The following CC2D1A variants were observed in gnomAD, a reference collection of about 807,000 sequenced individuals.
CC2D1A encodes coiled-coil and C2 domain containing 1A.
In CC2D1A, 68 loss-of-function variants were observed where a neutral mutation model predicts 123.8. That is an observed-to-expected ratio of 0.55 (90% CI 0.45 to 0.67). The LOEUF (loss-of-function observed/expected upper bound fraction) is 0.67, where lower values mean the gene tolerates loss of function less well. Among genes scored for constraint, CC2D1A ranks in the 30% least tolerant of loss-of-function variants. CC2D1A has a pLI of 0.00. For missense variants in CC2D1A, 1,185 were observed against 1,290.3 expected (o/e 0.92, Z 1.25); for synonymous variants, 477 against 528.0 (o/e 0.90, Z 1.32).
chr19:13,930,416 C>T lies in CC2D1A; in HGVS notation c.*21C>T, dbSNP rs759787037. ...GGTGAGGAGCCCATGGGGCGGGCAG[C>T]CCCCAGAAAGCGGGCAGCAGGCCCC... On this transcript the variant is annotated 3_prime_UTR_variant, in exon 29 of 29. Transcript: ENST00000318003. The surrounding 1 kb of genome is among the most constrained non-coding windows in gnomAD (Gnocchi z 6.8). The T allele has an allele frequency of 4.4e-6, 7 of 1,594,526 alleles. No individual in the cohort carries two copies. The Admixed American group carries it at 5.3e-5, about 12-fold the overall frequency.
intron 2 of CC2D1A, among the ~76,000 whole-genome samples, chr19:13,910,974 C>A (rs1483105315): frequency 6.6e-6 from 1 of 151,444 alleles, no homozygotes; most frequent in Non-Finnish European, 1.5e-5. Context: ...GCTGTGAATT[C>A]AAAGTTAATG....
At chr19:13,910,709 G>A (rs1053917402) in intron 2 of CC2D1A, among the ~76,000 whole-genome samples, 25 of 152,180 alleles carry the variant, frequency 1.6e-4, no homozygotes, top group Non-Finnish European at 2.5e-4. Flanking sequence ...CCAGGAGTTC[G>A]AGACCAGCCT....
Position 13,919,687 on chromosome 19 carries a change from A to T in CC2D1A, c.1223-131A>T, listed in dbSNP as rs1157165057. 6 of 987,532 alleles carry T rather than the reference A, an allele frequency of 6.1e-6. No homozygotes were observed. In the African/African-American group the frequency reaches 8.7e-5, roughly 14 times the overall value. 61.2% of individuals were successfully genotyped at this position (987,532 alleles called of 1,614,324 possible). On this transcript the variant is annotated intron_variant, in intron 11 of 28. Transcript: ENST00000318003. ...AGCGAGATCCTGTCTCAAAAAAAAA[A>T]AAATTAATTAATTAAAAAAAGTAAA...
At position 13,930,461 on chromosome 19, in the gene CC2D1A, A is replaced by G. The variant is rs1307244278; in HGVS notation, c.*66A>G. ...GGCCCCGATACCGGGAAGAGCCGAC[A>G]CAGCCACGAACCAGACAAGCAGACA... is the stretch of plus-strand genomic sequence containing the variant. On this transcript the variant is annotated 3_prime_UTR_variant, in exon 29 of 29. Transcript: ENST00000318003. This position sits in a 1 kb window ranked among gnomAD's most constrained non-coding sequence, Gnocchi z 6.8. 2 of 1,487,104 alleles carry G rather than the reference A, an allele frequency of 1.3e-6. No individual in the cohort carries two copies. Among genetic ancestry groups the G allele is most frequent in the African/African-American group, 1.4e-5 (1 of 71,522 alleles). 92.1% of individuals were successfully genotyped at this position (1,487,104 alleles called of 1,614,324 possible).
At position 13,920,644 on chromosome 19, in the gene CC2D1A, C is replaced by A. The variant is rs1474132013; in HGVS notation, c.1444C>A (p.Pro482Thr). Reference protein sequence around the residue: ...QSGSAPTAKAPPKATSTRAQQ... With the variant: ...QSGSAPTAKATPKATSTRAQQ... ...GGGATCAGCCCCAACAGCCAAAGCG[C>A]CCCCCAAAGCCACATCCACCAGAGG... The change falls in exon 13 of 29, where the codon CCC becomes ACC. Residue 482 changes from proline to threonine, a missense_variant. Transcript: ENST00000318003. 1 of 1,609,598 alleles carries A rather than the reference C, an allele frequency of 6.2e-7. No individual in the cohort carries two copies. Among genetic ancestry groups the A allele is most frequent in the Non-Finnish European group, 8.5e-7 (1 of 1,177,794 alleles).
intron 17 of CC2D1A, among the ~76,000 whole-genome samples, chr19:13,924,713 C>T (rs1295721885): frequency 1.3e-5 from 2 of 152,164 alleles, no homozygotes. Flanking sequence ...CCTGCCTTGG[C>T]CTCCCAAAAT....
In CC2D1A at chr19:13,906,405, G is replaced by T. The variant is rs899681020; in HGVS notation, c.-37G>T. On this transcript the variant is annotated 5_prime_UTR_variant, in exon 1 of 29. Coordinates refer to ENST00000318003, the MANE Select transcript of CC2D1A (RefSeq NM_017721.5). This position sits in a 1 kb window ranked among gnomAD's most constrained non-coding sequence, Gnocchi z 4.1. ...GGGGAAGGAGGCAGGGCAAGGCCGG[G>T]CTTGGGGGCAGGTGGTCCGGGCATC... 5.3e-6 allele frequency: 8 copies of T among 1,497,820 alleles called. No homozygotes were observed. In the African/African-American group the frequency reaches 8.6e-5, roughly 16 times the overall value. 92.8% of individuals were successfully genotyped at this position (1,497,820 alleles called of 1,614,324 possible). A position where few individuals can be genotyped will look rare whatever the true frequency, so the allele number is the denominator to read the frequency against.
chr19:13,907,211 A>C (rs1256749712), intron 1 of CC2D1A, among the ~76,000 whole-genome samples: 1 of 152,084 alleles, frequency 6.6e-6, no homozygotes, highest in Non-Finnish European at 1.5e-5. Context: ...TTGAGGCCAG[A>C]GTTTGAGACC....
chr19:13,929,734 T>G, intron 26 of CC2D1A, 74 bp downstream of exon 26: 1 of 483,620 alleles, frequency 2.1e-6, no homozygotes, highest in South Asian at 2.0e-5. Context: ...TGCTCAGGGA[T>G]GCATATCTGG....
intron 7 of CC2D1A, 33 bp downstream of exon 7, chr19:13,918,227 A>C (rs2145327750): frequency 6.7e-7 from 1 of 1,500,636 alleles, no homozygotes; most frequent in East Asian, 2.4e-5. Context: ...GACTGGAGGG[A>C]TGGGGCAGGA....
Position 13,929,650 on chromosome 19 carries a change from C to T in CC2D1A, c.2700C>T (p.Gly900=). The change falls in exon 26 of 29, where the codon GGC becomes GGT. Residue 900 remains glycine (G), a synonymous_variant. Transcript: ENST00000318003. Reference sequence around the variant, plus strand: ...CACAGCTGGAGCAGGGGGGTGTGGGCATCCGACGGGGTAGGGGTTTGGAGA... The same window carrying T: ...CACAGCTGGAGCAGGGGGGTGTGGGTATCCGACGGGGTAGGGGTTTGGAGA... ...QRAQLEQGGV[G]IRREYAAQLE... The T allele has an allele frequency of 6.5e-7, 1 of 1,543,288 alleles. No homozygotes were observed. Among genetic ancestry groups the T allele is most frequent in the Non-Finnish European group, 8.7e-7 (1 of 1,148,526 alleles).
At chr19:13,929,489 T>C (rs750274061) in intron 25 of CC2D1A, 45 bp from the exon 26 acceptor site, 9 of 1,612,532 alleles carry the variant, frequency 5.6e-6, no homozygotes, top group Non-Finnish European at 7.6e-6. Flanking sequence ...CTGGGGAGTC[T>C]GCAGGCCCAG....
chr19:13,910,407 CAAAAAAAAAAA>C (rs766322114), intron 2 of CC2D1A, among the ~76,000 whole-genome samples: 2 of 40,886 alleles, frequency 4.9e-5, no homozygotes, highest in African/African-American at 7.9e-5. Flanking sequence ...GACTCCGTCT[CAAAAAAAAAAA>C]AAAAAAAAAA....
chr19:13,912,219 TG>T (rs1306297889), intron 2 of CC2D1A, 103 bp from the exon 3 acceptor site: 7 of 1,274,616 alleles, frequency 5.5e-6, no homozygotes, highest in African/African-American at 1.5e-5. Flanking sequence ...AGAGATGAAA[TG>T]GGGAAGTCAG....
chr19:13,930,519 C>T lies in CC2D1A; in HGVS notation c.*124C>T. 8.6e-7 allele frequency: 1 copy of T among 1,162,222 alleles called. No individual in the cohort carries two copies. Among genetic ancestry groups the T allele is most frequent in the Non-Finnish European group, 1.2e-6 (1 of 847,294 alleles). 72.0% of individuals were successfully genotyped at this position (1,162,222 alleles called of 1,614,324 possible). Reference sequence around the variant, plus strand: ...GACAATCGGTTCTGGACTCACCCCTCATCCGGGCCCCCAGCCCCGCCAGAG... The same window carrying T: ...GACAATCGGTTCTGGACTCACCCCTTATCCGGGCCCCCAGCCCCGCCAGAG... On this transcript the variant is annotated 3_prime_UTR_variant, in exon 29 of 29. Transcript: ENST00000318003. The surrounding 1 kb of genome is among the most constrained non-coding windows in gnomAD (Gnocchi z 6.8).
In CC2D1A at chr19:13,925,891, G is replaced by T. The variant is rs1350880371; in HGVS notation, c.1941-626G>T. On this transcript the variant is annotated intron_variant, in intron 17 of 28. Transcript: ENST00000318003. The stretch of plus-strand genomic sequence containing the variant: ...GCTGAGGTCGTACCATTGTACTCCA[G>T]CCTGGGCGACAGAGCAAGACTCTGT... 3.8e-5 allele frequency among the ~76,000 whole-genome samples: 5 copies of T among 130,564 alleles called. No homozygotes were observed. The South Asian group carries it at 1.2e-3, about 31-fold the overall frequency. 85.7% of individuals were successfully genotyped at this position (130,564 alleles called of 152,430 possible).
At position 13,924,095 on chromosome 19, in the gene CC2D1A, C is replaced by T. The variant is rs140138547; in HGVS notation, c.1940+284C>T. ...TCCACGGGGGACCAGAGATGAGTCA[C>T]GGCTTTGGTGGGTGTTAGTCTTGGT... On this transcript the variant is annotated intron_variant, in intron 17 of 28. Transcript: ENST00000318003. Among the ~76,000 whole-genome samples, 240 of 152,316 alleles carry T rather than the reference C, an allele frequency of 1.6e-3. 1 individual carries two copies. Among genetic ancestry groups the T allele is most frequent in the African/African-American group, 5.5e-3 (229 of 41,570 alleles).
rs1158465072 is a variant in CC2D1A, at chr19:13,918,576, G to C, written c.946G>C (p.Asp316His). 6.2e-7 allele frequency: 1 copy of C among 1,612,982 alleles called. No individual in the cohort carries two copies. The highest frequency in any genetic ancestry group is 2.2e-5 in the East Asian group (1 of 44,866). The change falls in exon 8 of 29, where the codon GAC (aspartate) becomes CAC (histidine). Residue 316 changes from aspartate (D) to histidine (H), a missense_variant and splice_region_variant. Coordinates refer to ENST00000318003, the MANE Select transcript of CC2D1A (RefSeq NM_017721.5). ...CCTCTCCTGCCTGCCCCCTCCACCC[G>C]GTGAGAACCCTGCCATGCCCACTCT... Reference protein sequence around the residue: ...VDLSCLPPPPDQLPPDPPSPP... With the variant: ...VDLSCLPPPPHQLPPDPPSPP...
At chr19:13,908,230 G>A (rs765789093) in intron 1 of CC2D1A, among the ~76,000 whole-genome samples, 46 of 151,872 alleles carry the variant, frequency 3.0e-4, no homozygotes, top group Non-Finnish European at 5.6e-4. Context: ...GGTCTGTCTC[G>A]AACTCCCCAT....
Sources: allele counts gnomAD v4.1 joint callset (sites outside exome capture counted in the v4.1 genomes callset), GRCh38; gene constraint gnomAD v4.1.1; non-coding constraint Gnocchi (gnomAD v3.1); transcripts MANE v1.5; gene names NCBI Gene and HGNC (gene_info 2026-07-23, HGNC 2026-07-21).